The following LHFPL6 variants were observed in gnomAD, a reference collection of about 807,000 sequenced individuals.
LHFPL6 encodes LHFPL tetraspan subfamily member 6 protein.
LHFPL6 carries 9 observed loss-of-function variants against 20.6 expected under a neutral mutation model. That is an observed-to-expected ratio of 0.44 (90% CI 0.26 to 0.76). LHFPL6 has a LOEUF of 0.76. Among genes scored for constraint, LHFPL6 ranks in the 30% least tolerant of loss-of-function variants. LHFPL6 has a pLI of 0.20. For missense variants in LHFPL6, 218 were observed against 253.5 expected (o/e 0.86, Z 0.95); for synonymous variants, 105 against 98.7 (o/e 1.06, Z -0.38).
At chr13:39,493,734 A>G (rs1366716251) in intron 2 of LHFPL6, among the ~76,000 whole-genome samples, 2 of 152,198 alleles carry the variant, frequency 1.3e-5, no homozygotes, top group East Asian at 3.9e-4. Flanking sequence ...ATTTTCTGTT[A>G]GTGAATCAAG....
intron 2 of LHFPL6, among the ~76,000 whole-genome samples, chr13:39,478,630 A>G (rs1217572502): frequency 6.6e-6 from 1 of 152,154 alleles, no homozygotes. Context: ...TCAGTAAAAT[A>G]AAGTAGATGG....
chr13:39,482,685 T>C (rs897336374), intron 2 of LHFPL6, among the ~76,000 whole-genome samples: 1 of 152,076 alleles, frequency 6.6e-6, no homozygotes, highest in Non-Finnish European at 1.5e-5. Context: ...ACTTCAACAA[T>C]GGCAGTTTTA....
intron 2 of LHFPL6, among the ~76,000 whole-genome samples, chr13:39,557,534 G>A (rs191119760): frequency 1.3e-5 from 2 of 152,354 alleles, no homozygotes; most frequent in African/African-American, 2.4e-5. Flanking sequence ...GCTGTGGCAA[G>A]GGGGCTGCCG....
intron 3 of LHFPL6, among the ~76,000 whole-genome samples, chr13:39,370,571 A>C (rs546822929): frequency 5.3e-5 from 8 of 152,240 alleles, no homozygotes; most frequent in Non-Finnish European, 1.2e-4. Context: ...ACTCTAAGCA[A>C]TGACCAGTGC....
intron 2 of LHFPL6, among the ~76,000 whole-genome samples, chr13:39,541,035 C>A (rs1468316000): frequency 6.6e-6 from 1 of 152,182 alleles, no homozygotes; most frequent in Non-Finnish European, 1.5e-5. Flanking sequence ...ACTTTCTATA[C>A]AAGAGAAGTA....
intron 2 of LHFPL6, among the ~76,000 whole-genome samples, chr13:39,568,247 AAAGAG>A (rs1871791817): frequency 6.7e-6 from 1 of 150,222 alleles, no homozygotes; most frequent in Non-Finnish European, 1.5e-5. Context: ...CAAAATGTTG[AAAGAG>A]AACAATATAA....
chr13:39,343,603 T>TTGTGTGTG lies in LHFPL6; in HGVS notation c.*325_*332dup, dbSNP rs67172252. 9.0e-3 allele frequency: 1,747 copies of TTGTGTGTG among 194,748 alleles called. 13 individuals are homozygous for TTGTGTGTG. The highest frequency in any genetic ancestry group is 0.013 in the South Asian group (54 of 4,302). The allele number at this position is 194,748 out of a possible 1,614,324, so 12.1% of individuals were successfully genotyped here. The stretch of plus-strand genomic sequence containing the variant: ...ACCCTTGTTTGTATATGTAGATTTG[T>TTGTGTGTG]TGTGTGTGTGTGTGTGTGTGTGTGT... On this transcript the variant is annotated 3_prime_UTR_variant, in exon 4 of 4. Coordinates refer to ENST00000379589, the MANE Select transcript of LHFPL6 (RefSeq NM_005780.3).
Position 39,601,300 on chromosome 13 carries a change from C to T in LHFPL6, c.-84G>A. 7.2e-7 allele frequency: 1 copy of T among 1,379,604 alleles called. No individual in the cohort carries two copies. Among genetic ancestry groups the T allele is most frequent in the Non-Finnish European group, 9.8e-7 (1 of 1,023,232 alleles). 85.5% of individuals were successfully genotyped at this position (1,379,604 alleles called of 1,614,324 possible). A position where few individuals can be genotyped will look rare whatever the true frequency, so the allele number is the denominator to read the frequency against. On this transcript the variant is annotated 5_prime_UTR_variant, in exon 2 of 4. Transcript: ENST00000379589. ...ATGAAGGTGTGAAATCACCAGGGAC[C>T]CACAGATAATCCACAGTTCCGTAAT...
chr13:39,363,294 C>T (rs575032052), intron 3 of LHFPL6, among the ~76,000 whole-genome samples: 1 of 152,186 alleles, frequency 6.6e-6, no homozygotes, highest in South Asian at 2.1e-4. Flanking sequence ...AGTGCATCAC[C>T]CCTCTGTTTC....
rs927091322 is a variant in LHFPL6, at chr13:39,360,202, G to A, written c.485-16148C>T. Among the ~76,000 whole-genome samples, 17 of 96,688 alleles carry A rather than the reference G, an allele frequency of 1.8e-4. 5 individuals carry two copies. The highest frequency in any genetic ancestry group is 5.2e-4 in the African/African-American group (17 of 32,964). 63.4% of individuals were successfully genotyped at this position (96,688 alleles called of 152,430 possible). The stretch of plus-strand genomic sequence containing the variant: ...CGCCCGGCTAATTTTTGTATTTTTA[G>A]TAGAGACAGAGTTTCACTGTGTTAG... On this transcript the variant is annotated intron_variant, in intron 3 of 3. Transcript: ENST00000379589.
At chr13:39,476,521 T>C (rs1873087935) in intron 2 of LHFPL6, among the ~76,000 whole-genome samples, 1 of 152,226 alleles carries the variant, frequency 6.6e-6, no homozygotes. Context: ...AAAGATCTAG[T>C]AACAATTTGG....
At chr13:39,534,601 G>A (rs140317136) in intron 2 of LHFPL6, among the ~76,000 whole-genome samples, 121 of 152,292 alleles carry the variant, frequency 7.9e-4, no homozygotes, top group African/African-American at 2.6e-3. Context: ...AAGGAGAGAT[G>A]GGAAAGGAAG....
intron 2 of LHFPL6, among the ~76,000 whole-genome samples, chr13:39,577,055 A>G (rs982708526): frequency 8.5e-5 from 13 of 152,218 alleles, no homozygotes; most frequent in Non-Finnish European, 2.9e-5. Flanking sequence ...AAACGCTCCA[A>G]TAAGACAGAT....
At chr13:39,413,465 T>G (rs368844303) in intron 2 of LHFPL6, among the ~76,000 whole-genome samples, 1 of 139,812 alleles carries the variant, frequency 7.2e-6, no homozygotes, top group African/African-American at 2.7e-5. Flanking sequence ...GAATTGGGGG[T>G]AGGGGGGGTG....
At chr13:39,351,140 G>A (rs538184077) in intron 3 of LHFPL6, among the ~76,000 whole-genome samples, 37 of 152,218 alleles carry the variant, frequency 2.4e-4, no homozygotes, top group Admixed American at 8.5e-4. Context: ...CACAACAACC[G>A]ATACACATTT....
At chr13:39,480,030 C>A (rs539453669) in intron 2 of LHFPL6, among the ~76,000 whole-genome samples, 1 of 152,268 alleles carries the variant, frequency 6.6e-6, no homozygotes, top group Admixed American at 6.5e-5. Context: ...GGAAACTCTG[C>A]AAACAATTCA....
intron 2 of LHFPL6, among the ~76,000 whole-genome samples, chr13:39,408,847 G>A (rs1055387326): frequency 1.3e-5 from 2 of 152,082 alleles, no homozygotes; most frequent in Non-Finnish European, 2.9e-5. Context: ...AGGAATGAGA[G>A]GTTTGTGTTG....
chr13:39,566,568 C>T (rs1007969163), intron 2 of LHFPL6, among the ~76,000 whole-genome samples: 18 of 151,264 alleles, frequency 1.2e-4, no homozygotes, highest in African/African-American at 4.4e-4. Context: ...CAGGGAGACG[C>T]GGTCTCTACA....
intron 2 of LHFPL6, among the ~76,000 whole-genome samples, chr13:39,479,707 A>G (rs1473562022): frequency 6.6e-6 from 1 of 152,212 alleles, no homozygotes; most frequent in Non-Finnish European, 1.5e-5. Context: ...ATAACAGTTG[A>G]AAGAACTCAC....
Sources: gnomAD v4.1 joint callset for allele counts (sites outside exome capture counted in the v4.1 genomes callset) on GRCh38, gnomAD v4.1.1 for gene constraint, MANE v1.5 for transcripts, NCBI Gene and HGNC (gene_info 2026-07-23, HGNC 2026-07-21) for gene names.